The following KRT2 variants were observed in gnomAD, a reference collection of about 807,000 sequenced individuals.
KRT2 encodes keratin 2.
A neutral mutation model predicts 48.5 loss-of-function variants in KRT2; 37 were observed. The ratio of observed to expected loss-of-function variants is 0.76; its 90% CI spans 0.59 to 1.00. KRT2 has a LOEUF of 1.00. Among genes scored for constraint, KRT2 ranks in the 50% least tolerant of loss-of-function variants. The probability of loss-of-function intolerance (pLI) is 0.00; values close to 1 mark genes in which losing one functional copy is unlikely to be tolerated. For synonymous variants in KRT2, 324 were observed against 312.2 expected (o/e 1.04, Z -0.40); for missense variants, 880 against 815.2 (o/e 1.08, Z -0.97).
chr12:52,648,074 A>T, intron 5 of KRT2, 99 bp downstream of exon 5: 1 of 1,426,156 alleles, frequency 7.0e-7, no homozygotes, highest in Non-Finnish European at 9.9e-7. Context: ...AACTACCATT[A>T]AACAAAAAAC....
In KRT2 at chr12:52,645,240, C is replaced by T. The variant is rs199836359; in HGVS notation, c.1699G>A (p.Gly567Ser). The change falls in exon 9 of 9, where the codon GGT becomes AGT. Residue 567 changes from glycine (G) to serine (S), a missense_variant. By Grantham distance (56) the Gly-to-Ser change is moderately conservative. Coordinates refer to ENST00000309680, the MANE Select transcript of KRT2 (RefSeq NM_000423.3). ...SISGGGYGSG[G>S]GSGGRYGSGG... ...GATCCGTATCTTCCTCCAGAACCAC[C>T]GCCAGAGCCATATCCTCCTCCAGAG... The T allele has an allele frequency of 2.5e-5, 41 of 1,614,054 alleles. No homozygotes were observed. Among genetic ancestry groups the T allele is most frequent in the African/African-American group, 2.5e-4 (19 of 74,996 alleles).
Position 52,646,793 on chromosome 12 carries a change from G to A in KRT2, c.1416C>T (p.Ala472=), listed in dbSNP as rs1276885267. The change falls in exon 7 of 9, where the codon GCC becomes GCT. Residue 472 remains alanine, a synonymous_variant. Coordinates refer to ENST00000309680, the MANE Select transcript of KRT2 (RefSeq NM_000423.3). ...DYQELMNVKL[A]LDVEIATYRK... The stretch of plus-strand genomic sequence containing the variant: ...GGTAGGTGGCGATCTCCACATCTAG[G>A]GCCAGCTTCACGTTCATCAGCTCCT... 9 of 1,613,920 alleles carry A rather than the reference G, an allele frequency of 5.6e-6. No homozygotes were observed. The highest frequency in any genetic ancestry group is 7.6e-6 in the Non-Finnish European group (9 of 1,180,006).
Position 52,651,541 on chromosome 12 carries a change from G to A in KRT2, c.585+17C>T, listed in dbSNP as rs201176511. On this transcript the variant is annotated intron_variant, in intron 1 of 8. Coordinates refer to ENST00000309680, the MANE Select transcript of KRT2 (RefSeq NM_000423.3). Reference sequence around the variant, plus strand: ...AGTGGCCTGAGCATCAGTGGGAGCCGTCTTCTCCAGAGTCACCTTGTCAAT... The same window carrying A: ...AGTGGCCTGAGCATCAGTGGGAGCCATCTTCTCCAGAGTCACCTTGTCAAT... 58 of 1,579,740 alleles carry A rather than the reference G, an allele frequency of 3.7e-5. No individual in the cohort carries two copies. The highest frequency in any genetic ancestry group is 1.7e-4 in the Middle Eastern group (1 of 5,998).
chr12:52,645,738 C>G (rs951448864), intron 7 of KRT2, among the ~76,000 whole-genome samples, 169 bp from the exon 8 acceptor site: 3 of 152,162 alleles, frequency 2.0e-5, no homozygotes, highest in Non-Finnish European at 2.9e-5. Context: ...GACGACAGAC[C>G]CCCTTCCATT....
chr12:52,646,940 G>A lies in KRT2; in HGVS notation c.1269C>T (p.Ala423=), dbSNP rs747988490. The part of the protein sequence containing the change: ...VKKQCKNVQD[A]IADAEQRGEH... ...CCCCACGCTGCTCGGCATCTGCGAT[G>A]GCATCTTGCACATTCTTACACTATG... Residue 423 remains alanine (A), a synonymous_variant, in exon 7 of 9, where the codon GCC becomes GCT. Transcript: ENST00000309680. 3 of 1,613,928 alleles carry A rather than the reference G, an allele frequency of 1.9e-6. No homozygotes were observed. The highest frequency in any genetic ancestry group is 1.1e-5 in the South Asian group (1 of 91,080).
Position 52,651,922 on chromosome 12 carries a change from A to G in KRT2, c.221T>C (p.Ile74Thr). ...VGLGGTKSIS[I>T]SVAGGGGGFG... ...GCCACCACCTCCTCCAGCCACACTAATGGAGATGCTCTTGGTCCCTCCAAG... is the reference window on the plus strand; with the variant it reads ...GCCACCACCTCCTCCAGCCACACTAGTGGAGATGCTCTTGGTCCCTCCAAG... Residue 74 changes from isoleucine (I) to threonine (T), a missense_variant, in exon 1 of 9, where the codon ATT (isoleucine) becomes ACT (threonine). Physicochemically the swap from Ile to Thr is moderately conservative, Grantham distance 89 (BLOSUM62 -1). Coordinates refer to ENST00000309680, the MANE Select transcript of KRT2 (RefSeq NM_000423.3). The G allele has an allele frequency of 6.2e-7, 1 of 1,613,168 alleles. No individual in the cohort carries two copies. The highest frequency in any genetic ancestry group is 1.1e-5 in the South Asian group (1 of 90,996).
chr12:52,645,039 C>T lies in KRT2; in HGVS notation c.1900G>A (p.Val634Met), dbSNP rs150413930. The change falls in exon 9 of 9, where the codon GTG becomes ATG. Residue 634 changes from valine to methionine, a missense_variant. Transcript: ENST00000309680. The stretch of plus-strand genomic sequence containing the variant: ...CATCTTTATCTAAAAGAGAAGGTCA[C>T]GCTGGAACCAAAAGCTTCACCTGAG... ...GSSGEAFGSS[V>M]TFSFR is the part of the protein sequence containing the mutation. 4.5e-5 allele frequency: 73 copies of T among 1,614,074 alleles called. 2 individuals are homozygous for T. Among genetic ancestry groups the T allele is most frequent in the South Asian group, 3.8e-4 (35 of 91,074 alleles).
Position 52,645,375 on chromosome 12 carries a change from C to T in KRT2, c.1564G>A (p.Gly522Arg). ...VASKAAFGGS[G>R]GRGSSSGGGY... Reference sequence around the variant, plus strand: ...CCTCCGGAACTGGACCCTCTACCTCCAGAACCTCCAAAGGCAGCCTTGGAT... The same window carrying T: ...CCTCCGGAACTGGACCCTCTACCTCTAGAACCTCCAAAGGCAGCCTTGGAT... The change falls in exon 9 of 9, where the codon GGA becomes AGA. Residue 522 changes from glycine (G) to arginine (R), a missense_variant. Transcript: ENST00000309680. 6.2e-7 allele frequency: 1 copy of T among 1,614,228 alleles called. No homozygotes were observed. The highest frequency in any genetic ancestry group is 8.5e-7 in the Non-Finnish European group (1 of 1,180,038).
chr12:52,646,381 C>T (rs1291849608), intron 7 of KRT2, among the ~76,000 whole-genome samples: 4 of 152,178 alleles, frequency 2.6e-5, no homozygotes, highest in African/African-American at 4.8e-5. Context: ...CTGGGTCACC[C>T]GGTGGAGGGC....
At chr12:52,645,486 T>A (rs760194138) in intron 8 of KRT2, 49 bp downstream of exon 8, 2 of 1,613,864 alleles carry the variant, frequency 1.2e-6, no homozygotes, top group Admixed American at 3.3e-5. Flanking sequence ...TCTCCCTGCC[T>A]CCACCTGACA....
intron 6 of KRT2, among the ~76,000 whole-genome samples, chr12:52,647,407 C>T (rs866654054): frequency 2.0e-5 from 3 of 152,334 alleles, no homozygotes; most frequent in Middle Eastern, 3.4e-3. Flanking sequence ...TGAGCACAAA[C>T]GGGAAGCTCC....
At chr12:52,648,038 A>C in intron 5 of KRT2, 135 bp downstream of exon 5, 1 of 1,243,346 alleles carries the variant, frequency 8.0e-7, no homozygotes, top group East Asian at 2.3e-5. Flanking sequence ...TGCCATTCTC[A>C]ACATCCTTTC....
chr12:52,651,285 C>T (rs1159321422), intron 1 of KRT2, among the ~76,000 whole-genome samples: 2 of 152,198 alleles, frequency 1.3e-5, no homozygotes, highest in Non-Finnish European at 2.9e-5. Flanking sequence ...TGCCTATATC[C>T]ATTTTTTATG....
intron 7 of KRT2, 89 bp from the exon 8 acceptor site, chr12:52,645,658 G>A: frequency 1.5e-6 from 2 of 1,371,282 alleles, no homozygotes; most frequent in Non-Finnish European, 2.1e-6. Context: ...CAAATGTGCA[G>A]TTTAGCCTCT....
At position 52,645,070 on chromosome 12, in the gene KRT2, C is replaced by A. The variant is rs766846917; in HGVS notation, c.1869G>T (p.Lys623Asn). The A allele has an allele frequency of 5.6e-6, 9 of 1,613,950 alleles. No individual in the cohort carries two copies. Among genetic ancestry groups the A allele is most frequent in the Non-Finnish European group, 7.6e-6 (9 of 1,180,028 alleles). Reference protein sequence around the residue: ...GSGGGGSSSVKGSSGEAFGSS... With the variant: ...GSGGGGSSSVNGSSGEAFGSS... ...AACCAAAAGCTTCACCTGAGCTACC[C>A]TTTACAGAGCTAGAACCCCCACCTC... The change falls in exon 9 of 9, where the codon AAG becomes AAT. Residue 623 changes from lysine to asparagine, a missense_variant. Transcript: ENST00000309680.
At chr12:52,647,951 G>C in intron 5 of KRT2, 96 bp from the exon 6 acceptor site, 2 of 1,530,040 alleles carry the variant, frequency 1.3e-6, no homozygotes, top group Non-Finnish European at 1.8e-6. Context: ...ACTGGTCCAG[G>C]GAGGGTCAAC....
rs777351947 is a variant in KRT2 at position 52,651,746 on chromosome 12, C to T, written c.397G>A (p.Gly133Arg). The change falls in exon 1 of 9, where the codon GGA becomes AGA. Residue 133 changes from glycine (G) to arginine (R), a missense_variant. Transcript: ENST00000309680. ...AAGCCACCAGGACCCCCTAAACCTC[C>T]AACACCACCAGGGCCCCCAAAACCT... ...FGGFGGPGGVGGLGGPGGFGP... is the reference protein window; with the variant it reads ...FGGFGGPGGVRGLGGPGGFGP... 1 of 1,613,986 alleles carries T rather than the reference C, an allele frequency of 6.2e-7. No homozygotes were observed.
Position 52,647,819 on chromosome 12 carries a change from C to A in KRT2, c.1159G>T (p.Asp387Tyr). Residue 387 changes from aspartate to tyrosine, a missense_variant, in exon 6 of 9, where the codon GAC becomes TAC. Coordinates refer to ENST00000309680, the MANE Select transcript of KRT2 (RefSeq NM_000423.3). Reference protein sequence around the residue: ...ELQVTVGRHGDSLKEIKIEIS... With the variant: ...ELQVTVGRHGYSLKEIKIEIS... ...TCTATCTTGATCTCTTTCAGGCTGT[C>A]TCCATGTCTCCCGACAGTCACCTGG... The A allele has an allele frequency of 6.2e-7, 1 of 1,614,174 alleles. No homozygotes were observed. The highest frequency in any genetic ancestry group is 8.5e-7 in the Non-Finnish European group (1 of 1,180,040).
rs763900507 is a variant in KRT2, at chr12:52,651,916, A to G, written c.227T>C (p.Val76Ala). 23 of 1,612,972 alleles carry G rather than the reference A, an allele frequency of 1.4e-5. No homozygotes were observed. The highest frequency in any genetic ancestry group is 3.3e-5 in the Admixed American group (2 of 59,888). The part of the protein sequence containing the change: ...LGGTKSISIS[V>A]AGGGGGFGAA... The stretch of plus-strand genomic sequence containing the variant: ...GCCAAAGCCACCACCTCCTCCAGCC[A>G]CACTAATGGAGATGCTCTTGGTCCC... The change falls in exon 1 of 9, where the codon GTG (valine) becomes GCG (alanine). Residue 76 changes from valine to alanine, a missense_variant. Val to Ala is a moderately conservative substitution (Grantham distance 64). Transcript: ENST00000309680.
Sources: allele counts gnomAD v4.1 joint callset (sites outside exome capture counted in the v4.1 genomes callset), GRCh38; gene constraint gnomAD v4.1.1; transcripts MANE v1.5; gene names NCBI Gene and HGNC (gene_info 2026-07-23, HGNC 2026-07-21).